KIRREL3: variants seen among roughly 807,000 people sequenced by gnomAD.
The protein encoded by KIRREL3 is kin of IRRE-like protein 3.
KIRREL3 carries 36 observed loss-of-function variants against 89.7 expected under a neutral mutation model. The ratio of observed to expected loss-of-function variants is 0.40; its 90% CI spans 0.31 to 0.53. The LOEUF is 0.53. KIRREL3 is among the 20% of genes least tolerant of loss of function. The pLI is 0.49. For synonymous variants in KIRREL3, 445 were observed against 441.4 expected (o/e 1.01, Z -0.10); for missense variants, 864 against 1,056.6 (o/e 0.82, Z 2.53).
chr11:126,839,059 G>A (rs1943871785), intron 1 of KIRREL3, among the ~76,000 whole-genome samples: 2 of 152,196 alleles, frequency 1.3e-5, no homozygotes, highest in South Asian at 2.1e-4. Context: ...GGGTCAGGGT[G>A]AAGAGTATGT....
At chr11:126,822,380 C>T (rs1273554710) in intron 1 of KIRREL3, among the ~76,000 whole-genome samples, 1 of 152,180 alleles carries the variant, frequency 6.6e-6, no homozygotes, top group African/African-American at 2.4e-5. Flanking sequence ...TTGGTGAGTG[C>T]TCTAGAACTT....
chr11:126,560,733 T>A (rs1261082494), intron 2 of KIRREL3, among the ~76,000 whole-genome samples: 1 of 152,242 alleles, frequency 6.6e-6, no homozygotes, highest in Non-Finnish European at 1.5e-5. Flanking sequence ...GTCTTTTATA[T>A]TTATTCTAAA....
Position 126,684,848 on chromosome 11 carries a change from A to G in KIRREL3, c.56-121936T>C, listed in dbSNP as rs181305611. Among the ~76,000 whole-genome samples, 487 of 152,296 alleles carry G rather than the reference A, an allele frequency of 3.2e-3. 3 individuals are homozygous for G. The highest frequency in any genetic ancestry group is 0.011 in the African/African-American group (469 of 41,562). ...GAGAGGTAGTGTTGGCTTGGACCAC[A>G]GCGGGAGGGACCTGGGAAGAGGGAG... On this transcript the variant is annotated intron_variant, in intron 1 of 16. Transcript: ENST00000525144. This position sits in a 1 kb window ranked among gnomAD's most constrained non-coding sequence, Gnocchi z 4.2.
chr11:126,794,486 A>G (rs1463602719), intron 1 of KIRREL3, among the ~76,000 whole-genome samples: 1 of 152,270 alleles, frequency 6.6e-6, no homozygotes, highest in Admixed American at 6.5e-5. Flanking sequence ...AAATAAGGAT[A>G]ATAAAAGCTC....
At chr11:126,951,570 T>A (rs999469560) in intron 1 of KIRREL3, among the ~76,000 whole-genome samples, 3 of 152,138 alleles carry the variant, frequency 2.0e-5, no homozygotes, top group Non-Finnish European at 4.4e-5. Context: ...CAATCCTGAA[T>A]AGGAAGAATT....
chr11:126,707,312 T>A (rs569203223), intron 1 of KIRREL3, among the ~76,000 whole-genome samples: 1 of 151,672 alleles, frequency 6.6e-6, no homozygotes, highest in South Asian at 2.1e-4. Flanking sequence ...TGACACATTT[T>A]ATTTTTGTCT....
At chr11:126,533,397 C>T (rs1959002241) in intron 2 of KIRREL3, among the ~76,000 whole-genome samples, 1 of 152,154 alleles carries the variant, frequency 6.6e-6, no homozygotes, top group African/African-American at 2.4e-5. Context: ...TGCCCTTGGC[C>T]AGTACTGAAA....
At position 126,860,906 on chromosome 11, in the gene KIRREL3, C is replaced by G. The variant is rs577586702; in HGVS notation, c.55+139549G>C. ...GAAATACTACCTCCTTTGTACCACT[C>G]TTGGTACGTGCCACCTCCTATACAA... On this transcript the variant is annotated intron_variant, in intron 1 of 16. Coordinates refer to ENST00000525144, the MANE Select transcript of KIRREL3 (RefSeq NM_032531.4). The surrounding 1 kb of genome is among the most constrained non-coding windows in gnomAD (Gnocchi z 4.6). Among the ~76,000 whole-genome samples the G allele has an allele frequency of 1.3e-5, 2 of 152,306 alleles. No individual in the cohort carries two copies. The highest frequency in any genetic ancestry group is 3.9e-4 in the East Asian group (2 of 5,182).
chr11:126,777,188 G>GATGCTATTGAATGCAGC (rs1950193185), intron 1 of KIRREL3, among the ~76,000 whole-genome samples: 1 of 152,130 alleles, frequency 6.6e-6, no homozygotes, highest in African/African-American at 2.4e-5. Flanking sequence ...ATGACCGAGG[G>GATGCTATTGAATGCAGC]ATGCTATTGA....
intron 1 of KIRREL3, among the ~76,000 whole-genome samples, chr11:126,692,230 C>A (rs1946903944): frequency 6.6e-6 from 1 of 152,090 alleles, no homozygotes; most frequent in Non-Finnish European, 1.5e-5. Context: ...CACAGCCACA[C>A]TATTCACAAT....
rs1378935428 is a variant in KIRREL3 at position 126,970,551 on chromosome 11, T to C, written c.55+29904A>G. On this transcript the variant is annotated intron_variant, in intron 1 of 16. Coordinates refer to ENST00000525144, the MANE Select transcript of KIRREL3 (RefSeq NM_032531.4). This position sits in a 1 kb window ranked among gnomAD's most constrained non-coding sequence, Gnocchi z 4.4. The stretch of plus-strand genomic sequence containing the variant: ...AAAAAAGTCATGAATTGTACCAGTA[T>C]ATTGTCATCTAAGGAAATCTGATTT... 6.6e-6 allele frequency among the ~76,000 whole-genome samples: 1 copy of C among 152,222 alleles called. No homozygotes were observed. Among genetic ancestry groups the C allele is most frequent in the African/African-American group, 2.4e-5 (1 of 41,456 alleles).
intron 1 of KIRREL3, among the ~76,000 whole-genome samples, chr11:126,806,682 T>G (rs1273208424): frequency 6.6e-6 from 1 of 152,186 alleles, no homozygotes; most frequent in African/African-American, 2.4e-5. Flanking sequence ...ATTTATTTAT[T>G]ATACTTTAAG....
rs1347310534 is a variant in KIRREL3 at position 126,537,718 on chromosome 11, A to G, written c.134-11031T>C. On this transcript the variant is annotated intron_variant, in intron 2 of 16. Coordinates refer to ENST00000525144, the MANE Select transcript of KIRREL3 (RefSeq NM_032531.4). This position sits in a 1 kb window ranked among gnomAD's most constrained non-coding sequence, Gnocchi z 4.3. ...TGAGCTTCAGTTTCCCTATCTGAAA[A>G]ATGGGGATGACACGCCTCCCTGGCA... Among the ~76,000 whole-genome samples the G allele has an allele frequency of 1.3e-5, 2 of 152,176 alleles. No individual in the cohort carries two copies. Among genetic ancestry groups the G allele is most frequent in the Admixed American group, 1.3e-4 (2 of 15,286 alleles).
chr11:126,589,734 T>C (rs980614879), intron 1 of KIRREL3, among the ~76,000 whole-genome samples: 3 of 152,102 alleles, frequency 2.0e-5, no homozygotes, highest in African/African-American at 7.2e-5. Flanking sequence ...GCCCCTTACC[T>C]CTCAGCCTCA....
Position 126,897,732 on chromosome 11 carries a change from G to C in KIRREL3, c.55+102723C>G, listed in dbSNP as rs1385092322. Among the ~76,000 whole-genome samples the C allele has an allele frequency of 1.3e-5, 2 of 152,210 alleles. No homozygotes were observed. The highest frequency in any genetic ancestry group is 2.9e-5 in the Non-Finnish European group (2 of 68,050). ...CATCTCCAGTTTCGGACGAGCAGCA[G>C]TACAACATGCAGCAGCAAAAGCCCA... On this transcript the variant is annotated intron_variant, in intron 1 of 16. Coordinates refer to ENST00000525144, the MANE Select transcript of KIRREL3 (RefSeq NM_032531.4). This position sits in a 1 kb window ranked among gnomAD's most constrained non-coding sequence, Gnocchi z 4.2.
rs11603254 is a variant in KIRREL3 at position 126,436,269 on chromosome 11, G to A, written c.1552+542C>T. Among the ~76,000 whole-genome samples the A allele has an allele frequency of 2.6e-3, 396 of 152,326 alleles. 1 individual carries two copies. The highest frequency in any genetic ancestry group is 5.1e-3 in the Non-Finnish European group (348 of 68,016). On this transcript the variant is annotated intron_variant, in intron 12 of 16. Coordinates refer to ENST00000525144, the MANE Select transcript of KIRREL3 (RefSeq NM_032531.4). ...CATCTGAGCCCAGCCCCCGACCCTAGGGATCTGGACAAGCAAGCCTAACCC... is the reference window on the plus strand; with the variant it reads ...CATCTGAGCCCAGCCCCCGACCCTAAGGATCTGGACAAGCAAGCCTAACCC...
At chr11:126,785,981 A>C (rs1480892290) in intron 1 of KIRREL3, among the ~76,000 whole-genome samples, 1 of 151,636 alleles carries the variant, frequency 6.6e-6, no homozygotes, top group Admixed American at 6.6e-5. Context: ...AAAAATGTAC[A>C]TGCCCTCTGG....
intron 6 of KIRREL3, among the ~76,000 whole-genome samples, chr11:126,461,882 G>C (rs530043411): frequency 6.6e-6 from 1 of 152,202 alleles, no homozygotes; most frequent in Non-Finnish European, 1.5e-5. Flanking sequence ...AGGAGGACAC[G>C]AATGCCAGCC....
chr11:126,654,960 C>T (rs551108613), intron 1 of KIRREL3, among the ~76,000 whole-genome samples: 20 of 152,288 alleles, frequency 1.3e-4, no homozygotes, highest in Non-Finnish European at 2.6e-4. Flanking sequence ...TTTATCCTGT[C>T]CTCAACATGA....
Sources: allele counts gnomAD v4.1 joint callset (sites outside exome capture counted in the v4.1 genomes callset), GRCh38; gene constraint gnomAD v4.1.1; non-coding constraint Gnocchi (gnomAD v3.1); transcripts MANE v1.5; gene names NCBI Gene and HGNC (gene_info 2026-07-23, HGNC 2026-07-21).